Variants in RPS19 observed in about 807,000 individuals in gnomAD.
RPS19 encodes the protein small ribosomal subunit protein eS19.
RPS19 carries 1 observed loss-of-function variant against 20.3 expected under a neutral mutation model. The observed-to-expected ratio is 0.05, with a 90% CI of 0.02 to 0.23. RPS19 has a LOEUF of 0.23. Among genes scored for constraint, RPS19 ranks in the 10% least tolerant of loss-of-function variants. RPS19 has a pLI of 1.00. For missense variants in RPS19, 111 were observed against 192.7 expected, an observed-to-expected ratio of 0.58 and a Z score of 2.51; for synonymous variants, 87 against 74.8, an observed-to-expected ratio of 1.16 and a Z score of -0.84.
chr19:41,870,779 CTGG>C (rs1191880188), intron 5 of RPS19, among the ~76,000 whole-genome samples: 5 of 144,410 alleles, frequency 3.5e-5, no homozygotes, highest in Non-Finnish European at 6.0e-5. Flanking sequence ...CACATCATTG[CTGG>C]TGGTTGGATG....
chr19:41,865,037 A>T (rs1302979967), intron 3 of RPS19: 1 of 152,220 alleles, frequency 6.6e-6, no homozygotes, highest in African/African-American at 2.4e-5. Flanking sequence ...GGAGCTTGTA[A>T]TATCTGACCA....
At chr19:41,870,190 C>G (rs1422446764) in intron 5 of RPS19, among the ~76,000 whole-genome samples, 1 of 151,440 alleles carries the variant, frequency 6.6e-6, no homozygotes, top group African/African-American at 2.4e-5. Context: ...TGCGGTGAGC[C>G]AAGATCATGC....
At chr19:41,861,360 A>G (rs1384691720) in intron 3 of RPS19, 148 bp downstream of exon 3, 1 of 679,458 alleles carries the variant, frequency 1.5e-6, no homozygotes, top group South Asian at 1.6e-5. Flanking sequence ...GTGATGTGAC[A>G]TTCGATAACT....
chr19:41,867,309 AT>A (rs2074100976), intron 3 of RPS19, among the ~76,000 whole-genome samples: 1 of 151,556 alleles, frequency 6.6e-6, no homozygotes, highest in African/African-American at 2.4e-5. Flanking sequence ...TCCTATGTAG[AT>A]GTTTTACTTT....
intron 3 of RPS19, chr19:41,864,930 A>C (rs1207402985): frequency 2.0e-5 from 3 of 151,910 alleles, no homozygotes; most frequent in Non-Finnish European, 4.4e-5. Context: ...CGGTATTTCA[A>C]CTCTTAGCAT....
chr19:41,871,739 A>G lies in RPS19; in HGVS notation c.*362A>G. The G allele has an allele frequency of 3.4e-6, 1 of 297,286 alleles. No homozygotes were observed. The highest frequency in any genetic ancestry group is 6.5e-6 in the Non-Finnish European group (1 of 154,310). The allele number at this position is 297,286 out of a possible 1,614,324, so 18.4% of individuals were successfully genotyped here. ...GTTCCCATCTGGGTTTGGAGGAAGGACCCAGGGGCCCTTGTGGCTCACTCC... is the reference window on the plus strand; with the variant it reads ...GTTCCCATCTGGGTTTGGAGGAAGGGCCCAGGGGCCCTTGTGGCTCACTCC... On this transcript the variant is annotated 3_prime_UTR_variant, in exon 6 of 6. Coordinates refer to ENST00000598742, the MANE Select transcript of RPS19 (RefSeq NM_001022.4).
At chr19:41,869,523 CA>C (rs1197548717) in intron 4 of RPS19, 175 bp from the exon 5 acceptor site, 7 of 658,650 alleles carry the variant, frequency 1.1e-5, no homozygotes, top group Admixed American at 2.7e-5. Flanking sequence ...CGTCAGCTCC[CA>C]GGGGGGCTCC....
chr19:41,865,416 G>C (rs1442874462), intron 3 of RPS19, among the ~76,000 whole-genome samples: 1 of 151,206 alleles, frequency 6.6e-6, no homozygotes, highest in Non-Finnish European at 1.5e-5. Flanking sequence ...TTCTCTACCA[G>C]TCACTGTGCT....
intron 3 of RPS19, chr19:41,864,261 A>C (rs1286776297): frequency 2.0e-5 from 3 of 152,366 alleles, no homozygotes; most frequent in African/African-American, 7.2e-5. Context: ...GTCTGGAAAC[A>C]CTTCTTGTAG....
chr19:41,868,361 C>G (rs898738055), intron 3 of RPS19, among the ~76,000 whole-genome samples: 1 of 152,222 alleles, frequency 6.6e-6, no homozygotes, highest in Non-Finnish European at 1.5e-5. Flanking sequence ...GTTGAGTCCT[C>G]AGAGTAACCC....
chr19:41,862,218 A>G (rs572889366), intron 3 of RPS19, among the ~76,000 whole-genome samples: 3 of 152,292 alleles, frequency 2.0e-5, no homozygotes, highest in East Asian at 3.8e-4. Flanking sequence ...CCTTCAGAAT[A>G]TGAAGCATTT....
chr19:41,871,156 C>T (rs935118627), intron 5 of RPS19, among the ~76,000 whole-genome samples, 195 bp from the exon 6 acceptor site: 4 of 151,982 alleles, frequency 2.6e-5, no homozygotes, highest in Non-Finnish European at 5.9e-5. Context: ...AGCCACTGTG[C>T]CTGGCCACTC....
chr19:41,871,635 C>A lies in RPS19; in HGVS notation c.*258C>A. On this transcript the variant is annotated 3_prime_UTR_variant, in exon 6 of 6. Transcript: ENST00000598742. Reference sequence around the variant, plus strand: ...GGGCATGAGGAAGAGGCGCTTCCTCCCTTCCCTTGGGTGAGGGGGCCCAGG... The same window carrying A: ...GGGCATGAGGAAGAGGCGCTTCCTCACTTCCCTTGGGTGAGGGGGCCCAGG... 1 of 491,026 alleles carries A rather than the reference C, an allele frequency of 2.0e-6. No homozygotes were observed. The highest frequency in any genetic ancestry group is 3.7e-6 in the Non-Finnish European group (1 of 270,428). 30.4% of individuals were successfully genotyped at this position (491,026 alleles called of 1,614,324 possible).
At chr19:41,861,427 T>G (rs112851443) in intron 3 of RPS19, 352 of 585,242 alleles carry the variant, frequency 6.0e-4, no homozygotes, top group African/African-American at 5.9e-3. Context: ...GACCTGTGGC[T>G]TTGAGCCTCA....
intron 3 of RPS19, among the ~76,000 whole-genome samples, chr19:41,865,982 G>A (rs542439494): frequency 4.1e-5 from 6 of 146,984 alleles, no homozygotes; most frequent in South Asian, 4.3e-4. Context: ...GGCCGGGCGC[G>A]GTGGCTCATG....
At chr19:41,861,327 G>A in intron 3 of RPS19, 115 bp downstream of exon 3, 1 of 768,186 alleles carries the variant, frequency 1.3e-6, no homozygotes, top group Non-Finnish European at 2.3e-6. Flanking sequence ...AGAAACCCTT[G>A]GTTGTGTCAC....
At chr19:41,862,379 C>A (rs2074041109) in intron 3 of RPS19, among the ~76,000 whole-genome samples, 1 of 152,114 alleles carries the variant, frequency 6.6e-6, no homozygotes, top group Non-Finnish European at 1.5e-5. Flanking sequence ...GCTGGCATAC[C>A]ACCTACCCAC....
At chr19:41,864,244 T>C (rs2074061960) in intron 3 of RPS19, 1 of 152,156 alleles carries the variant, frequency 6.6e-6, no homozygotes, top group South Asian at 2.1e-4. Flanking sequence ...AGCTGCTGAA[T>C]TGGGATGTCT....
chr19:41,871,502 C>G lies in RPS19; in HGVS notation c.*125C>G. The G allele has an allele frequency of 2.5e-6, 2 of 811,694 alleles. No homozygotes were observed. The highest frequency in any genetic ancestry group is 4.2e-6 in the Non-Finnish European group (2 of 476,296). The allele number at this position is 811,694 out of a possible 1,614,324, so 50.3% of individuals were successfully genotyped here. On this transcript the variant is annotated 3_prime_UTR_variant, in exon 6 of 6. Transcript: ENST00000598742. ...CGCCATCTCAGCTCACTGCAATCTC[C>G]GCCTTCTGGGTTCAAATGATTCTCC... is the stretch of plus-strand genomic sequence containing the variant.
Sources: allele counts gnomAD v4.1 joint callset (sites outside exome capture counted in the v4.1 genomes callset), GRCh38; gene constraint gnomAD v4.1.1; transcripts MANE v1.5; gene names NCBI Gene and HGNC (gene_info 2026-07-23, HGNC 2026-07-21).